CACNA1H: variants seen among roughly 807,000 people sequenced by gnomAD.
The protein encoded by CACNA1H is calcium voltage-gated channel subunit alpha1 H, also known as voltage-dependent T-type calcium channel subunit alpha-1H.
A neutral mutation model predicts 192.5 loss-of-function variants in CACNA1H; 149 were observed. That is an observed-to-expected ratio of 0.77 (90% confidence interval 0.68 to 0.89). The LOEUF (loss-of-function observed/expected upper bound fraction) is 0.89, where lower values mean the gene tolerates loss of function less well. Among genes scored for constraint, CACNA1H ranks in the 40% least tolerant of loss-of-function variants. The pLI, the probability that CACNA1H is intolerant of heterozygous loss-of-function variation, is 0.00. For missense variants in CACNA1H, 4,257 were observed against 3,423.5 expected, an observed-to-expected ratio of 1.24 and a Z score of -6.08; for synonymous variants, 2,202 against 1,475.2, an observed-to-expected ratio of 1.49 and a Z score of -11.29.
rs1033215708 is a variant in CACNA1H, at chr16:1,201,579, C to G, written c.1213-84C>G. ...CTGTGCCTGTGACGCGGCCCCCACT[C>G]GAACAGGCAGCGCACAGTAGGGCTC... is the stretch of plus-strand genomic sequence containing the variant. On this transcript the variant is annotated intron_variant, in intron 8 of 34. Coordinates refer to ENST00000348261, the MANE Select transcript of CACNA1H (RefSeq NM_021098.3). 30 of 1,449,050 alleles carry G rather than the reference C, an allele frequency of 2.1e-5. No homozygotes were observed. The South Asian group carries it at 3.1e-4, about 15-fold the overall frequency. 89.8% of individuals were successfully genotyped at this position (1,449,050 alleles called of 1,614,324 possible).
intron 2 of CACNA1H, among the ~76,000 whole-genome samples, chr16:1,168,056 G>A (rs1331985046): frequency 2.6e-5 from 4 of 152,188 alleles, no homozygotes; most frequent in Non-Finnish European, 5.9e-5. Context: ...GAGCCGCTGT[G>A]CCTAGGCCAG....
At position 1,205,257 on chromosome 16, in the gene CACNA1H, G is replaced by A. The variant is rs995085039; in HGVS notation, c.2595G>A (p.Val865=). 2 of 1,606,414 alleles carry A rather than the reference G, an allele frequency of 1.2e-6. No homozygotes were observed. The highest frequency in any genetic ancestry group is 2.7e-5 in the African/African-American group (2 of 74,826). ...ACAACATCTTCGACGGCATCATCGT[G>A]GTCATCAGGTGGGTCCCCACCCTCT... is the stretch of plus-strand genomic sequence containing the variant. The part of the protein sequence containing the change: ...NPYNIFDGII[V]VISVWEIVGQ... The change falls in exon 11 of 35, where the codon GTG becomes GTA. Residue 865 remains valine, a synonymous_variant. Coordinates refer to ENST00000348261, the MANE Select transcript of CACNA1H (RefSeq NM_021098.3).
At position 1,221,687 on chromosome 16, in the gene CACNA1H, G is replaced by T; in HGVS notation, c.*693G>T. On this transcript the variant is annotated 3_prime_UTR_variant, in exon 35 of 35. Transcript: ENST00000348261. ...TGCTTTTAAATTCAGGTTAAATGTTGCAATAATCTGATGCAGAAGACTCAG... is the reference window on the plus strand; with the variant it reads ...TGCTTTTAAATTCAGGTTAAATGTTTCAATAATCTGATGCAGAAGACTCAG... The T allele has an allele frequency of 8.4e-7, 1 of 1,189,250 alleles. No homozygotes were observed. The highest frequency in any genetic ancestry group is 1.2e-6 in the Non-Finnish European group (1 of 861,288). 73.7% of individuals were successfully genotyped at this position (1,189,250 alleles called of 1,614,324 possible).
chr16:1,172,531 G>T (rs948199580), intron 2 of CACNA1H, among the ~76,000 whole-genome samples: 2 of 152,184 alleles, frequency 1.3e-5, no homozygotes, highest in African/African-American at 4.8e-5. Context: ...AGCATCACCC[G>T]CTCTGTGGAG....
intron 18 of CACNA1H, 76 bp downstream of exon 18, chr16:1,210,211 G>T: frequency 7.5e-7 from 1 of 1,330,856 alleles, no homozygotes. Context: ...CCTCCTGGGT[G>T]GGGCTAGCAC....
Position 1,195,447 on chromosome 16 carries a change from A to C in CACNA1H, c.427A>C (p.Ile143Leu). The change falls in exon 4 of 35, where the codon ATT becomes CTT. Residue 143 changes from isoleucine (I) to leucine (L), a missense_variant. Physicochemically the swap from Ile to Leu is conservative, Grantham distance 5. Coordinates refer to ENST00000348261, the MANE Select transcript of CACNA1H (RefSeq NM_021098.3). Reference protein sequence around the residue: ...CNILEAFDAFIFAFFAVEMVI... With the variant: ...CNILEAFDAFLFAFFAVEMVI... The stretch of plus-strand genomic sequence containing the variant: ...CCTCCCGCAGGCCTTTGACGCCTTC[A>C]TTTTCGCCTTTTTTGCGGTGGAGAT... The C allele has an allele frequency of 6.4e-7, 1 of 1,557,726 alleles. No homozygotes were observed. The highest frequency in any genetic ancestry group is 8.7e-7 in the Non-Finnish European group (1 of 1,150,492).
chr16:1,157,142 G>GC (rs141783566), intron 2 of CACNA1H: 1 of 152,288 alleles, frequency 6.6e-6, no homozygotes, highest in East Asian at 1.9e-4. Flanking sequence ...ACGGGGCGGG[G>GC]CCCCCGGGAA....
Position 1,209,022 on chromosome 16 carries a change from C to T in CACNA1H, c.3364-10C>T. The T allele has an allele frequency of 6.7e-7, 1 of 1,488,166 alleles. No homozygotes were observed. 92.2% of individuals were successfully genotyped at this position (1,488,166 alleles called of 1,614,324 possible). ...ATGCCACCAGGTCACTGACTCCCGCCACCCCCCAGGCCAGCCTCCGAAGTT... is the reference window on the plus strand; with the variant it reads ...ATGCCACCAGGTCACTGACTCCCGCTACCCCCCAGGCCAGCCTCCGAAGTT... On this transcript the variant is annotated splice_polypyrimidine_tract_variant and intron_variant, in intron 16 of 34. Transcript: ENST00000348261.
rs368050707 is a variant in CACNA1H at position 1,220,926 on chromosome 16, C to T, written c.6994C>T (p.Pro2332Ser). 1.5e-5 allele frequency: 24 copies of T among 1,609,660 alleles called. No individual in the cohort carries two copies. The highest frequency in any genetic ancestry group is 5.0e-5 in the Admixed American group (3 of 59,656). The change falls in exon 35 of 35, where the codon CCT (proline) becomes TCT (serine). Residue 2332 changes from proline to serine, a missense_variant. Physicochemically the swap from Pro to Ser is moderately conservative, Grantham distance 74. Coordinates refer to ENST00000348261, the MANE Select transcript of CACNA1H (RefSeq NM_021098.3). ...GCTGTACCTCACAGTCCCCCAGTGT[C>T]CTCTGGAGAAACCAGGGTCCCCCTC... ...RGLYLTVPQC[P>S]LEKPGSPSAT...
chr16:1,154,072 G>T, intron 2 of CACNA1H, 36 bp downstream of exon 2: 1 of 792,910 alleles, frequency 1.3e-6, no homozygotes, highest in East Asian at 5.5e-5. Flanking sequence ...GGGGGGCGGG[G>T]GGCGTGGGGA....
Position 1,210,020 on chromosome 16 carries a change from C to T in CACNA1H, c.3745-15C>T, listed in dbSNP as rs991106400. ...GCAGGCGCAGGCTCTGAGAAGCCGC[C>T]GCCTCATCCCACAGAGCTGCTGCCT... On this transcript the variant is annotated splice_polypyrimidine_tract_variant and intron_variant, in intron 17 of 34. Transcript: ENST00000348261. The T allele has an allele frequency of 2.9e-5, 45 of 1,543,880 alleles. No homozygotes were observed. Among genetic ancestry groups the T allele is most frequent in the Middle Eastern group, 1.8e-4 (1 of 5,588 alleles).
Position 1,210,900 on chromosome 16 carries a change from C to A in CACNA1H, c.4152C>A (p.Ala1384=). 1 of 1,604,562 alleles carries A rather than the reference C, an allele frequency of 6.2e-7. No homozygotes were observed. ...VSLVDIVVAM[A]SAGGAKILGV... ...TGGTGGACATTGTCGTGGCCATGGC[C>A]TCGGCTGGTGGCGCCAAGATCCTGG... The change falls in exon 21 of 35, where the codon GCC becomes GCA. Residue 1384 remains alanine, a synonymous_variant. Transcript: ENST00000348261.
intron 2 of CACNA1H, among the ~76,000 whole-genome samples, chr16:1,158,316 G>A (rs967294294): frequency 6.6e-6 from 1 of 152,152 alleles, no homozygotes; most frequent in Non-Finnish European, 1.5e-5. Flanking sequence ...GGGAGCCGTG[G>A]GGGCAGCTCA....
At chr16:1,210,219 C>A in intron 18 of CACNA1H, 84 bp downstream of exon 18, 1 of 1,297,578 alleles carries the variant, frequency 7.7e-7, no homozygotes, top group Non-Finnish European at 1.1e-6. Context: ...GTGGGGCTAG[C>A]ACATGGTGGA....
rs577301120 is a variant in CACNA1H, at chr16:1,188,147, G to A, written c.300-6825G>A. 1.0e-3 allele frequency among the ~76,000 whole-genome samples: 153 copies of A among 152,360 alleles called. 7 individuals carry two copies. The South Asian group carries it at 0.03, about 30-fold the overall frequency. The stretch of plus-strand genomic sequence containing the variant: ...GTCAGGCTCTTGCCCCATGGCCCTG[G>A]CCTGAGGATTAGTCACGGGGCAGGG... On this transcript the variant is annotated intron_variant, in intron 2 of 34. Transcript: ENST00000348261.
intron 31 of CACNA1H, among the ~76,000 whole-genome samples, chr16:1,217,672 C>G (rs1199092117): frequency 6.6e-6 from 1 of 152,204 alleles, no homozygotes; most frequent in Non-Finnish European, 1.5e-5. Context: ...AATGATTCTT[C>G]CATGGCAGCC....
intron 2 of CACNA1H, among the ~76,000 whole-genome samples, chr16:1,189,722 C>G (rs1156357592): frequency 6.6e-6 from 1 of 152,118 alleles, no homozygotes; most frequent in Admixed American, 6.5e-5. Flanking sequence ...CGGGCCCAGC[C>G]TGAGAGCACT....
intron 2 of CACNA1H, among the ~76,000 whole-genome samples, chr16:1,185,956 C>T (rs1965995340): frequency 2.5e-5 from 1 of 39,282 alleles, no homozygotes; most frequent in African/African-American, 1.0e-4. Context: ...GGTGAGTAGA[C>T]GGCGTGCGTA....
At position 1,210,353 on chromosome 16, in the gene CACNA1H, CGCCCCCGCCCA is replaced by C; in HGVS notation, c.3846-16_3846-6del. The C allele has an allele frequency of 7.8e-7, 1 of 1,276,656 alleles. No homozygotes were observed. Among genetic ancestry groups the C allele is most frequent in the African/African-American group, 1.5e-5 (1 of 66,708 alleles). 79.1% of individuals were successfully genotyped at this position (1,276,656 alleles called of 1,614,324 possible). On this transcript the variant is annotated splice_polypyrimidine_tract_variant and splice_region_variant and intron_variant, in intron 18 of 34. Coordinates refer to ENST00000348261, the MANE Select transcript of CACNA1H (RefSeq NM_021098.3). Reference sequence around the variant, plus strand: ...ACGCCGCCCCGCCCCACCTCTCACCCGCCCCCGCCCACCCAGGTTCCGCGTCTCCTGCCAGA... The same window carrying C: ...ACGCCGCCCCGCCCCACCTCTCACCCCCCAGGTTCCGCGTCTCCTGCCAGA...
Sources: allele counts gnomAD v4.1 joint callset (sites outside exome capture counted in the v4.1 genomes callset), GRCh38; gene constraint gnomAD v4.1.1; transcripts MANE v1.5; gene names NCBI Gene and HGNC (gene_info 2026-07-23, HGNC 2026-07-21).